TAOK3: variants seen among roughly 807,000 people sequenced by gnomAD.
TAOK3 encodes the protein serine/threonine-protein kinase TAO3.
In TAOK3, 40 loss-of-function variants were observed where a neutral mutation model predicts 120.4. The observed-to-expected ratio is 0.33, with a 90% CI of 0.26 to 0.43. The LOEUF (loss-of-function observed/expected upper bound fraction) is 0.43, where lower values mean the gene tolerates loss of function less well. TAOK3 is among the 20% of genes least tolerant of loss of function. The pLI is 1.00. For synonymous variants in TAOK3, 355 were observed against 387.5 expected, an observed-to-expected ratio of 0.92 and a Z score of 0.99; for missense variants, 821 against 1,112.1, an observed-to-expected ratio of 0.74 and a Z score of 3.72.
chr12:118,335,659 T>C (rs1196074849), intron 1 of TAOK3, among the ~76,000 whole-genome samples: 2 of 152,018 alleles, frequency 1.3e-5, no homozygotes, highest in African/African-American at 4.8e-5. Context: ...GGTGAAACCC[T>C]GTGTCTACTA....
chr12:118,288,315 C>A (rs956958211), intron 1 of TAOK3, among the ~76,000 whole-genome samples: 1 of 151,970 alleles, frequency 6.6e-6, no homozygotes, highest in Non-Finnish European at 1.5e-5. Context: ...AAACTGGAAC[C>A]CTCCAATGTG....
chr12:118,211,922 A>C (rs983502731), intron 11 of TAOK3, among the ~76,000 whole-genome samples: 13 of 152,150 alleles, frequency 8.5e-5, no homozygotes, highest in African/African-American at 1.2e-4. Flanking sequence ...ATTTTCCCCT[A>C]AAGAAACATG....
intron 2 of TAOK3, among the ~76,000 whole-genome samples, chr12:118,262,717 C>T (rs1264250307): frequency 6.7e-6 from 1 of 149,764 alleles, no homozygotes; most frequent in Non-Finnish European, 1.5e-5. Flanking sequence ...ATCCCAGCTA[C>T]TTGGGAGGCT....
chr12:118,275,840 T>C (rs978931758), intron 1 of TAOK3, among the ~76,000 whole-genome samples: 1 of 152,152 alleles, frequency 6.6e-6, no homozygotes, highest in Non-Finnish European at 1.5e-5. Context: ...ATCTCTCTGA[T>C]AGGTAACAGT....
At chr12:118,316,049 A>C (rs1294773410) in intron 1 of TAOK3, among the ~76,000 whole-genome samples, 1 of 152,184 alleles carries the variant, frequency 6.6e-6, no homozygotes, top group Non-Finnish European at 1.5e-5. Context: ...AGGGGAATGT[A>C]ATGAGACATC....
chr12:118,246,252 G>C, intron 3 of TAOK3: 1 of 1,483,020 alleles, frequency 6.7e-7, no homozygotes. Flanking sequence ...CAAGGCCGAG[G>C]ATAAGGAGTG....
intron 17 of TAOK3, 82 bp from the exon 18 acceptor site, chr12:118,162,109 A>G (rs2035260031): frequency 6.5e-7 from 1 of 1,540,938 alleles, no homozygotes; most frequent in South Asian, 1.2e-5. Context: ...GAGGGAGGGC[A>G]AGGAATGGCA....
At chr12:118,347,229 G>T (rs1420673517) in intron 1 of TAOK3, among the ~76,000 whole-genome samples, 1 of 152,052 alleles carries the variant, frequency 6.6e-6, no homozygotes, top group Non-Finnish European at 1.5e-5. Flanking sequence ...CCCAGGCTAG[G>T]CTTGAACTCC....
chr12:118,165,025 C>T (rs554454987), intron 17 of TAOK3, among the ~76,000 whole-genome samples: 66 of 152,124 alleles, frequency 4.3e-4, no homozygotes, highest in African/African-American at 1.5e-3. Flanking sequence ...AACATGTACA[C>T]CCCCTCAGCG....
chr12:118,166,562 A>G (rs920920762), intron 17 of TAOK3, among the ~76,000 whole-genome samples: 1 of 151,970 alleles, frequency 6.6e-6, no homozygotes, highest in Non-Finnish European at 1.5e-5. Context: ...AAAAGTTCTA[A>G]TAAATGGCAT....
At chr12:118,176,599 G>A (rs537179686) in intron 16 of TAOK3, among the ~76,000 whole-genome samples, 108 of 152,104 alleles carry the variant, frequency 7.1e-4, no homozygotes, top group African/African-American at 2.5e-3. Context: ...TAGCAGCAGC[G>A]TCATCTGGGA....
At position 118,181,591 on chromosome 12, in the gene TAOK3, T is replaced by C. The variant is rs1565908293; in HGVS notation, c.1346A>G (p.His449Arg). The C allele has an allele frequency of 6.2e-7, 1 of 1,614,192 alleles. No homozygotes were observed. Among genetic ancestry groups the C allele is most frequent in the Non-Finnish European group, 8.5e-7 (1 of 1,180,034 alleles). Residue 449 changes from histidine to arginine, a missense_variant, in exon 15 of 21, where the codon CAT (histidine) becomes CGT (arginine). By Grantham distance (29) the His-to-Arg change is conservative. Transcript: ENST00000392533. ...KSASLVTRQI[H>R]EHEQENELRE... ...CAACTCGTTCTCCTGCTCATGCTCA[T>C]GGATCTGTCGTGTAACCTGAATTGG...
chr12:118,330,334 T>A (rs2044090928), intron 1 of TAOK3, among the ~76,000 whole-genome samples: 1 of 152,228 alleles, frequency 6.6e-6, no homozygotes, highest in South Asian at 2.1e-4. Context: ...GTAACAATAG[T>A]TGTGTTTTTA....
At chr12:118,232,394 T>C (rs1001753596) in intron 9 of TAOK3, among the ~76,000 whole-genome samples, 3 of 152,220 alleles carry the variant, frequency 2.0e-5, no homozygotes, top group African/African-American at 7.2e-5. Flanking sequence ...ATGGGTCAAA[T>C]ACAGTTTTAG....
chr12:118,235,815 G>T, intron 7 of TAOK3, 144 bp from the exon 8 acceptor site: 1 of 590,674 alleles, frequency 1.7e-6, no homozygotes. Context: ...TAGCCAGAAG[G>T]AGATTTAGTA....
At chr12:118,178,383 T>C (rs1041657267) in intron 15 of TAOK3, among the ~76,000 whole-genome samples, 3 of 152,212 alleles carry the variant, frequency 2.0e-5, no homozygotes, top group African/African-American at 7.2e-5. Flanking sequence ...AATCAAACTC[T>C]AACTGATTAA....
In TAOK3 at chr12:118,225,104, C is replaced by T. The variant is rs146146398; in HGVS notation, c.643+8570G>A. ...CTCTACTAAAAATATAAAAATTAGCCGGGAGTGGTGGTGGGTGCCTGTAAT... is the reference window on the plus strand; with the variant it reads ...CTCTACTAAAAATATAAAAATTAGCTGGGAGTGGTGGTGGGTGCCTGTAAT... On this transcript the variant is annotated intron_variant, in intron 9 of 20. Coordinates refer to ENST00000392533, the MANE Select transcript of TAOK3 (RefSeq NM_016281.4). Among the ~76,000 whole-genome samples the T allele has an allele frequency of 8.6e-3, 1,307 of 151,392 alleles. 11 individuals carry two copies. The highest frequency in any genetic ancestry group is 0.029 in the African/African-American group (1,198 of 41,288).
chr12:118,347,759 CTA>C (rs1225250316), intron 1 of TAOK3, among the ~76,000 whole-genome samples: 3 of 152,198 alleles, frequency 2.0e-5, no homozygotes, highest in Admixed American at 6.5e-5. Context: ...TTTTAGCTCT[CTA>C]TGCCAAGCCG....
At chr12:118,255,705 T>C in intron 2 of TAOK3, 50 bp from the exon 3 acceptor site, 2 of 890,904 alleles carry the variant, frequency 2.2e-6, no homozygotes, top group Admixed American at 2.6e-5. Context: ...ACATTTTACT[T>C]GGTGGCAATA....
Sources: allele counts gnomAD v4.1 joint callset (sites outside exome capture counted in the v4.1 genomes callset), GRCh38; gene constraint gnomAD v4.1.1; transcripts MANE v1.5; gene names NCBI Gene and HGNC (gene_info 2026-07-23, HGNC 2026-07-21).